The following MTA2 variants were observed in gnomAD, a reference collection of about 807,000 sequenced individuals.
The protein encoded by MTA2 is metastasis associated 1 family member 2.
A neutral mutation model predicts 87.1 loss-of-function variants in MTA2; 22 were observed. That is an observed-to-expected ratio of 0.25 (90% CI 0.18 to 0.36). The LOEUF (loss-of-function observed/expected upper bound fraction) is 0.36, where lower values mean the gene tolerates loss of function less well. Ranked by LOEUF, MTA2 falls within the 10% of genes least tolerant of loss-of-function variation. MTA2 has a pLI of 1.00. For synonymous variants in MTA2, 314 were observed against 310.1 expected (o/e 1.01, Z -0.13); for missense variants, 542 against 853.2 (o/e 0.64, Z 4.54).
In MTA2 at chr11:62,595,947, A is replaced by C; in HGVS notation, c.1115-56T>G. On this transcript the variant is annotated intron_variant, in intron 12 of 17. Transcript: ENST00000278823. This position sits in a 1 kb window ranked among gnomAD's most constrained non-coding sequence, Gnocchi z 4.9. ...AAGAAGCATACTACCTAAGCCCCTC[A>C]GATTCTTGAGCCACAGCAGGCCTTC... 1 of 1,614,044 alleles carries C rather than the reference A, an allele frequency of 6.2e-7. No individual in the cohort carries two copies. Among genetic ancestry groups the C allele is most frequent in the Non-Finnish European group, 8.5e-7 (1 of 1,179,930 alleles).
At position 62,601,672 on chromosome 11, in the gene MTA2, GC is replaced by G; in HGVS notation, c.-223del. 1 of 542,814 alleles carries G rather than the reference GC, an allele frequency of 1.8e-6. No homozygotes were observed. Among genetic ancestry groups the G allele is most frequent in the Non-Finnish European group, 3.2e-6 (1 of 315,564 alleles). The allele number at this position is 542,814 out of a possible 1,614,324, so 33.6% of individuals were successfully genotyped here. On this transcript the variant is annotated 5_prime_UTR_variant, in exon 1 of 18. Transcript: ENST00000278823. ...CCTCACTCCCGGGACGCTGAGGCTG[GC>G]CCCCGTCCGCTCGGCTTCTTCCGGA...
rs776311566 is a variant in MTA2 at position 62,597,282 on chromosome 11, C to G, written c.693+34G>C. 3 of 1,519,460 alleles carry G rather than the reference C, an allele frequency of 2.0e-6. No individual in the cohort carries two copies. The African/African-American group carries it at 4.2e-5, about 21-fold the overall frequency. The allele number at this position is 1,519,460 out of a possible 1,614,324, so 94.1% of individuals were successfully genotyped here. A position where few individuals can be genotyped will look rare whatever the true frequency, so the allele number is the denominator to read the frequency against. ...AGGCTCTGCAAGTCCCCAGAAAACC[C>G]AGCCTGCCCAACTACCCACCAACTT... On this transcript the variant is annotated intron_variant, in intron 8 of 17. Coordinates refer to ENST00000278823, the MANE Select transcript of MTA2 (RefSeq NM_004739.4).
intron 8 of MTA2, 82 bp from the exon 9 acceptor site, chr11:62,596,907 CG>C: frequency 7.1e-7 from 1 of 1,407,600 alleles, no homozygotes; most frequent in Non-Finnish European, 9.6e-7. Context: ...CTCCCACTCC[CG>C]GCCGGGCGCG....
In MTA2 at chr11:62,598,530, G is replaced by C; in HGVS notation, c.300C>G (p.Thr100=). 1.2e-6 allele frequency: 2 copies of C among 1,614,042 alleles called. No individual in the cohort carries two copies. Among genetic ancestry groups the C allele is most frequent in the Non-Finnish European group, 8.5e-7 (1 of 1,179,934 alleles). Residue 100 remains threonine (T), a synonymous_variant, in exon 4 of 18, where the codon ACC becomes ACG. Coordinates refer to ENST00000278823, the MANE Select transcript of MTA2 (RefSeq NM_004739.4). ...CCCCAGTTGTCCTGTACCGTATGTG[G>C]GTGGCTGGTAATGATTCAAATTGCC... ...LSRQFESLPA[T]HIRGKCSVTL... is the part of the protein sequence containing the mutation.
chr11:62,601,842 C>T lies in MTA2; in HGVS notation c.-392G>A. 2.0e-6 allele frequency: 1 copy of T among 497,442 alleles called. No individual in the cohort carries two copies. The highest frequency in any genetic ancestry group is 4.1e-5 in the Admixed American group (1 of 24,598). 30.8% of individuals were successfully genotyped at this position (497,442 alleles called of 1,614,324 possible). On this transcript the variant is annotated 5_prime_UTR_variant, in exon 1 of 18. Transcript: ENST00000278823. ...TCGCCTCCTTCCGGAACACCTTCGG[C>T]CGATCCGGAGAACAAGGCCCACTGC...
chr11:62,596,615 C>T, intron 9 of MTA2, 22 bp downstream of exon 9: 2 of 1,610,810 alleles, frequency 1.2e-6, no homozygotes, highest in Non-Finnish European at 1.7e-6. Context: ...TCCCACTTCT[C>T]CTCCTAGTGC....
chr11:62,601,720 C>T lies in MTA2; in HGVS notation c.-270G>A. On this transcript the variant is annotated 5_prime_UTR_variant, in exon 1 of 18. Transcript: ENST00000278823. ...CGGAACGAGCTCGGCTCCTGCCAGGCCAGAGCCAGGCTCCAGCTACCCCCG... is the reference window on the plus strand; with the variant it reads ...CGGAACGAGCTCGGCTCCTGCCAGGTCAGAGCCAGGCTCCAGCTACCCCCG... 1.9e-6 allele frequency: 1 copy of T among 521,552 alleles called. No individual in the cohort carries two copies. 32.3% of individuals were successfully genotyped at this position (521,552 alleles called of 1,614,324 possible).
Position 62,598,373 on chromosome 11 carries a change from G to C in MTA2, c.326C>G (p.Thr109Ser). 6.2e-7 allele frequency: 1 copy of C among 1,614,036 alleles called. No individual in the cohort carries two copies. The highest frequency in any genetic ancestry group is 8.5e-7 in the Non-Finnish European group (1 of 1,180,000). The change falls in exon 5 of 18, where the codon ACC becomes AGC. Residue 109 changes from threonine to serine, a missense_variant. This residue lies in a region of MTA2 where 150 missense variants were observed against 243.9 expected (regional missense o/e 0.62). Transcript: ENST00000278823. ...CAAGATATCTGTCTCATTCAAGAGG[G>C]TCACACTGCATTTCCCCCTATAGGA... is the stretch of plus-strand genomic sequence containing the variant. ...ATHIRGKCSVTLLNETDILSQ... is the reference protein window; with the variant it reads ...ATHIRGKCSVSLLNETDILSQ...
At chr11:62,600,745 G>A (rs1279461352) in intron 1 of MTA2, 56 bp from the exon 2 acceptor site, 4 of 1,513,064 alleles carry the variant, frequency 2.6e-6, no homozygotes, top group Non-Finnish European at 3.7e-6. Context: ...GGGAGACGCA[G>A]AGCACCAGGG....
chr11:62,594,396 T>C lies in MTA2; in HGVS notation c.1704A>G (p.Ala568=), dbSNP rs1317173927. 3 of 1,614,164 alleles carry C rather than the reference T, an allele frequency of 1.9e-6. No homozygotes were observed. Among genetic ancestry groups the C allele is most frequent in the East Asian group, 2.2e-5 (1 of 44,880 alleles). The change falls in exon 17 of 18, where the codon GCA becomes GCG. Residue 568 remains alanine (A), a synonymous_variant. Coordinates refer to ENST00000278823, the MANE Select transcript of MTA2 (RefSeq NM_004739.4). Reference sequence around the variant, plus strand: ...TTCCATTGGCAGAGAAAGGAACCCCTGCCCCTGCCATCTGGAAAAGGGGTA... The same window carrying C: ...TTCCATTGGCAGAGAAAGGAACCCCCGCCCCTGCCATCTGGAAAAGGGGTA... ...VKRAYETMAG[A]GVPFSANGRP... is the part of the protein sequence containing the mutation.
Position 62,595,692 on chromosome 11 carries a change from C to T in MTA2, c.1254+60G>A. The T allele has an allele frequency of 6.3e-7, 1 of 1,599,152 alleles. No homozygotes were observed. The highest frequency in any genetic ancestry group is 8.5e-7 in the Non-Finnish European group (1 of 1,171,470). ...AAGAGTTGAATATTCTGGCCTTCAC[C>T]TAAGCTCACCATCAATATGCTTACT... On this transcript the variant is annotated intron_variant, in intron 13 of 17. Transcript: ENST00000278823. This position sits in a 1 kb window ranked among gnomAD's most constrained non-coding sequence, Gnocchi z 4.9.
At chr11:62,600,758 GGAGA>G (rs1300173063) in intron 1 of MTA2, 69 bp from the exon 2 acceptor site, 4 of 1,457,774 alleles carry the variant, frequency 2.7e-6, no homozygotes, top group Non-Finnish European at 3.8e-6. Context: ...CACCAGGGTA[GGAGA>G]GAAAGTTGGC....
In MTA2 at chr11:62,596,446, C is replaced by T. The variant is rs928932155; in HGVS notation, c.957+12G>A. 5.0e-6 allele frequency: 8 copies of T among 1,613,598 alleles called. No homozygotes were observed. The Admixed American group carries it at 1.0e-4, about 20-fold the overall frequency. On this transcript the variant is annotated intron_variant, in intron 10 of 17. Coordinates refer to ENST00000278823, the MANE Select transcript of MTA2 (RefSeq NM_004739.4). The stretch of plus-strand genomic sequence containing the variant: ...GTAGCCTATGGTCCACCCTCCCCAG[C>T]CCAGATAATACCTGCTGAATATACC...
chr11:62,601,221 G>C, intron 1 of MTA2: 1 of 636,806 alleles, frequency 1.6e-6, no homozygotes, highest in Non-Finnish European at 2.6e-6. Context: ...GCTGCCCGCA[G>C]CTTCTCTCTG....
At chr11:62,594,918 G>A (rs1340104901) in intron 15 of MTA2, 63 bp downstream of exon 15, 3 of 1,413,676 alleles carry the variant, frequency 2.1e-6, no homozygotes, top group Non-Finnish European at 3.0e-6. Context: ...AGCAAGGGGA[G>A]AGATGTCAGA....
chr11:62,599,054 C>T (rs1942139496), intron 3 of MTA2, among the ~76,000 whole-genome samples: 1 of 152,182 alleles, frequency 6.6e-6, no homozygotes, highest in African/African-American at 2.4e-5. Context: ...TTTCAGGAGA[C>T]TCTTTGCTCT....
Position 62,597,384 on chromosome 11 carries a change from A to T in MTA2, c.625T>A (p.Cys209Ser), listed in dbSNP as rs541788951. Residue 209 changes from cysteine (C) to serine (S), a missense_variant, in exon 8 of 18, where the codon TGT becomes AGT. By Grantham distance (112) the Cys-to-Ser change is moderately radical. Coordinates refer to ENST00000278823, the MANE Select transcript of MTA2 (RefSeq NM_004739.4). ...AVGTFARALD[C>S]SSSIRQPSLH... is the part of the protein sequence containing the mutation. The stretch of plus-strand genomic sequence containing the variant: ...CTTGGCTGCCGAATGGAGCTGCTAC[A>T]ATCTAGGGCTCTTGCAAAGGTTCCC... 1 of 1,611,944 alleles carries T rather than the reference A, an allele frequency of 6.2e-7. No homozygotes were observed. The highest frequency in any genetic ancestry group is 2.2e-5 in the East Asian group (1 of 44,880).
Position 62,601,343 on chromosome 11 carries a change from G to A in MTA2, c.28+80C>T, listed in dbSNP as rs1255322926. The A allele has an allele frequency of 2.6e-6, 4 of 1,538,442 alleles. No homozygotes were observed. The East Asian group carries it at 7.3e-5, about 28-fold the overall frequency. ...CGCTGCCCCATACGCTGCGCCTCGC[G>A]CCACCCGGTGCCGAGCCCCTCAGGT... is the stretch of plus-strand genomic sequence containing the variant. On this transcript the variant is annotated intron_variant, in intron 1 of 17. Transcript: ENST00000278823.
chr11:62,600,581 A>C, intron 2 of MTA2, 41 bp downstream of exon 2: 353 of 1,563,932 alleles, frequency 2.3e-4, no homozygotes, highest in Middle Eastern at 3.4e-4. Flanking sequence ...CTCAGAAGAG[A>C]CCACTGCGGG....
Sources: gnomAD v4.1 joint callset for allele counts (sites outside exome capture counted in the v4.1 genomes callset) on GRCh38, gnomAD v4.1.1 for gene constraint, gnomAD v4.1.1 regional missense constraint, Gnocchi (gnomAD v3.1) non-coding constraint, MANE v1.5 for transcripts, NCBI Gene and HGNC (gene_info 2026-07-23, HGNC 2026-07-21) for gene names.